Variants in CHD1L observed in about 807,000 individuals in gnomAD.
CHD1L encodes the protein chromodomain helicase DNA binding protein 1 like.
A neutral mutation model predicts 115.9 loss-of-function variants in CHD1L; 118 were observed. The ratio of observed to expected loss-of-function variants is 1.02; its 90% confidence interval spans 0.88 to 1.19. The LOEUF (loss-of-function observed/expected upper bound fraction) is 1.19. CHD1L is among the 50% of genes most tolerant of loss of function. The probability of loss-of-function intolerance (pLI) is 0.00; values close to 1 mark genes in which losing one functional copy is unlikely to be tolerated. For missense variants in CHD1L, 1,179 were observed against 1,065.3 expected, an observed-to-expected ratio of 1.11 and a Z score of -1.49; for synonymous variants, 411 against 387.1, an observed-to-expected ratio of 1.06 and a Z score of -0.72.
In CHD1L at chr1:147,285,440, C is replaced by CA; in HGVS notation, c.1972dup (p.Ile658AsnfsTer12). Reference sequence around the variant, plus strand: ...AAGCAGCTGCCAAGAGAAGGAGACTCATAGAGGAGAAGAAGAGGCAAAAGG... The same window carrying CA: ...AAGCAGCTGCCAAGAGAAGGAGACTCAATAGAGGAGAAGAAGAGGCAAAAGG... On this transcript the variant is annotated frameshift_variant, in exon 17 of 23. Coordinates refer to ENST00000369258, the MANE Select transcript of CHD1L (RefSeq NM_004284.6). LOFTEE classifies it high-confidence loss of function. 1.2e-6 allele frequency: 2 copies of CA among 1,613,636 alleles called. No homozygotes were observed. The highest frequency in any genetic ancestry group is 1.7e-6 in the Non-Finnish European group (2 of 1,179,908).
At chr1:147,272,513 A>C in intron 12 of CHD1L, 1 of 384,444 alleles carries the variant, frequency 2.6e-6, no homozygotes, top group Middle Eastern at 6.8e-4. Flanking sequence ...AAGTAATTCT[A>C]ATCTGCTTTG....
At chr1:147,269,631 T>A (rs1262965829) in intron 10 of CHD1L, among the ~76,000 whole-genome samples, 1 of 128,594 alleles carries the variant, frequency 7.8e-6, no homozygotes, top group Non-Finnish European at 1.5e-5. Context: ...ATCATGCCAC[T>A]GCACTCCAGC....
chr1:147,279,635 G>A (rs1680018355), intron 14 of CHD1L, among the ~76,000 whole-genome samples: 2 of 152,210 alleles, frequency 1.3e-5, no homozygotes, highest in South Asian at 4.1e-4. Context: ...TCTGGCAGTG[G>A]AGAGGTTGGA....
the CHD1L span, chr1:147,209,116 A>C: frequency 7.1e-7 from 1 of 1,416,644 alleles, no homozygotes. Context: ...AAGCACCCCC[A>C]TTTTCTTCAA....
the CHD1L span, among the ~76,000 whole-genome samples, chr1:147,234,680 G>T: frequency 1.3e-5 from 2 of 152,170 alleles, no homozygotes; most frequent in Non-Finnish European, 2.9e-5. Context: ...TATTTATGGA[G>T]TAATAGTGAA....
At chr1:147,189,271 T>TAA in the CHD1L span, among the ~76,000 whole-genome samples, 4 of 142,822 alleles carry the variant, frequency 2.8e-5, no homozygotes, top group Non-Finnish European at 1.5e-5. Context: ...AGACTCCGTC[T>TAA]AAAAAAAAAA....
Position 147,264,563 on chromosome 1 carries a change from A to G in CHD1L, c.718A>G (p.Ile240Val). The G allele has an allele frequency of 5.6e-6, 9 of 1,613,488 alleles. No individual in the cohort carries two copies. Among genetic ancestry groups the G allele is most frequent in the Non-Finnish European group, 7.6e-6 (9 of 1,179,740 alleles). Reference protein sequence around the residue: ...VGDFIQRYQDIEKESESASEL... With the variant: ...VGDFIQRYQDVEKESESASEL... Reference sequence around the variant, plus strand: ...AGATTTTATTCAACGCTACCAGGATATTGAGAAAGAATCTGAGTCAGGCAA... The same window carrying G: ...AGATTTTATTCAACGCTACCAGGATGTTGAGAAAGAATCTGAGTCAGGCAA... Residue 240 changes from isoleucine (I) to valine (V), a missense_variant, in exon 7 of 23, where the codon ATT becomes GTT. By Grantham distance (29) the Ile-to-Val change is conservative. Transcript: ENST00000369258.
intron 18 of CHD1L, among the ~76,000 whole-genome samples, chr1:147,287,048 G>A (rs1683442519): frequency 6.6e-6 from 1 of 152,072 alleles, no homozygotes; most frequent in Non-Finnish European, 1.5e-5. Context: ...CATTACCTAT[G>A]TATTTGTTTA....
chr1:147,226,766 T>C, the CHD1L span, among the ~76,000 whole-genome samples: 6 of 152,192 alleles, frequency 3.9e-5, no homozygotes, highest in Non-Finnish European at 5.9e-5. Flanking sequence ...GTTTGTGCCA[T>C]TGAATTTTTT....
the CHD1L span, among the ~76,000 whole-genome samples, chr1:147,231,323 G>C: frequency 1.3e-5 from 2 of 152,276 alleles, no homozygotes; most frequent in Admixed American, 1.3e-4. Flanking sequence ...GGTTTTGAGT[G>C]AGTTCCTTAA....
At chr1:147,213,472 TGAAAA>T in the CHD1L span, 1 of 1,597,696 alleles carries the variant, frequency 6.3e-7, no homozygotes, top group African/African-American at 1.3e-5. Context: ...CACAGTGGTC[TGAAAA>T]GAAAAGTGAT....
intron 1 of CHD1L, among the ~76,000 whole-genome samples, chr1:147,248,562 T>C (rs1338517121): frequency 6.6e-6 from 1 of 152,222 alleles, no homozygotes; most frequent in Non-Finnish European, 1.5e-5. Flanking sequence ...AAGTAATTAT[T>C]ACTATGTTTG....
the CHD1L span, among the ~76,000 whole-genome samples, chr1:147,233,450 C>A: frequency 7.9e-6 from 1 of 125,908 alleles, no homozygotes; most frequent in Non-Finnish European, 1.6e-5. Context: ...CCCGGCCAGC[C>A]GCCCCGTCCG....
chr1:147,256,051 C>T, intron 4 of CHD1L, 124 bp downstream of exon 4: 1 of 556,750 alleles, frequency 1.8e-6, no homozygotes. Context: ...AGTCTACCTT[C>T]ATCAGATTCT....
chr1:147,281,411 G>C (rs999599456), intron 15 of CHD1L, among the ~76,000 whole-genome samples: 4 of 152,122 alleles, frequency 2.6e-5, no homozygotes, highest in African/African-American at 9.7e-5. Flanking sequence ...ATAAGTTGAA[G>C]TGTGTAATAT....
chr1:147,228,059 G>A, the CHD1L span, among the ~76,000 whole-genome samples: 1 of 151,356 alleles, frequency 6.6e-6, no homozygotes, highest in African/African-American at 2.4e-5. Flanking sequence ...TGCACAACGT[G>A]CAGGTTAGTT....
intron 1 of CHD1L, among the ~76,000 whole-genome samples, chr1:147,248,397 G>A (rs187392593): frequency 6.5e-4 from 99 of 152,042 alleles, no homozygotes; most frequent in African/African-American, 2.2e-3. Context: ...TAATAGAGAC[G>A]GGGTTTCTCC....
intron 5 of CHD1L, among the ~76,000 whole-genome samples, chr1:147,257,381 A>T: frequency 6.6e-6 from 1 of 151,424 alleles, no homozygotes; most frequent in African/African-American, 2.4e-5. Flanking sequence ...AGATTTCATG[A>T]CTTCTATCTA....
At chr1:147,266,554 A>G (rs1313330083) in intron 8 of CHD1L, among the ~76,000 whole-genome samples, 1 of 152,226 alleles carries the variant, frequency 6.6e-6, no homozygotes, top group Non-Finnish European at 1.5e-5. Context: ...CCAGGACATG[A>G]ATCCTCCTTT....
Sources: allele counts gnomAD v4.1 joint callset (sites outside exome capture counted in the v4.1 genomes callset), GRCh38; gene constraint gnomAD v4.1.1; transcripts MANE v1.5; gene names NCBI Gene and HGNC (gene_info 2026-07-23, HGNC 2026-07-21).